The following ZNF507 variants were observed in gnomAD, a reference collection of about 807,000 sequenced individuals.
ZNF507 encodes the protein zinc finger protein 507.
A neutral mutation model predicts 80.0 loss-of-function variants in ZNF507; 29 were observed. That is an observed-to-expected ratio of 0.36 (90% CI 0.27 to 0.49). The LOEUF (loss-of-function observed/expected upper bound fraction) is 0.49. Ranked by LOEUF, ZNF507 falls within the 20% of genes least tolerant of loss-of-function variation. ZNF507 has a pLI of 0.98. For missense variants in ZNF507, 1,081 were observed against 1,152.2 expected, an observed-to-expected ratio of 0.94 and a Z score of 0.90; for synonymous variants, 462 against 422.5, an observed-to-expected ratio of 1.09 and a Z score of -1.15.
At chr19:32,356,532 A>G (rs1967254452) in intron 3 of ZNF507, 84 bp from the exon 4 acceptor site, 5 of 901,002 alleles carry the variant, frequency 5.5e-6, no homozygotes, top group Non-Finnish European at 5.3e-6. Flanking sequence ...AGGCCATGAA[A>G]GCAATGAACC....
intron 5 of ZNF507, among the ~76,000 whole-genome samples, chr19:32,365,153 T>G (rs1197815813): frequency 6.6e-6 from 1 of 152,234 alleles, no homozygotes; most frequent in Non-Finnish European, 1.5e-5. Context: ...TTGAGAATTG[T>G]CTATTTATGT....
At chr19:32,352,474 C>CTTTTTTTTTTTT (rs34217641) in intron 2 of ZNF507, among the ~76,000 whole-genome samples, 4 of 146,304 alleles carry the variant, frequency 2.7e-5, no homozygotes, top group Non-Finnish European at 1.5e-5. Flanking sequence ...GAATAGGAGT[C>CTTTTTTTTTTTT]TTTTTTTTTT....
intron 5 of ZNF507, chr19:32,380,620 GGTAA>G (rs1450804765): frequency 2.6e-6 from 4 of 1,535,186 alleles, no homozygotes; most frequent in Middle Eastern, 1.7e-4. Flanking sequence ...AAAGAGTTCA[GGTAA>G]GTAAGTTATC....
chr19:32,349,398 C>G (rs1478215720), intron 2 of ZNF507, among the ~76,000 whole-genome samples: 2 of 152,166 alleles, frequency 1.3e-5, no homozygotes, highest in African/African-American at 2.4e-5. Flanking sequence ...CATCTTACCT[C>G]TCCATGAAGC....
At chr19:32,382,384 A>G (rs1967634536) in intron 5 of ZNF507, 83 bp from the exon 6 acceptor site, 1 of 1,531,250 alleles carries the variant, frequency 6.5e-7, no homozygotes, top group East Asian at 2.3e-5. Flanking sequence ...AGGAAGGGCT[A>G]TAATAATTGT....
At chr19:32,358,251 G>A (rs1378160260) in intron 4 of ZNF507, 1 of 152,144 alleles carries the variant, frequency 6.6e-6, no homozygotes, top group East Asian at 1.9e-4. Flanking sequence ...TTGAAATCTG[G>A]TTGTCAGGCC....
chr19:32,356,709 G>A lies in ZNF507; in HGVS notation c.2221G>A (p.Ala741Thr), dbSNP rs1198379181. ...SNEPRISSDTADGKCVQEGNK... is the reference protein window; with the variant it reads ...SNEPRISSDTTDGKCVQEGNK... ...TGAGCCAAGAATTTCCAGTGATACAGCTGATGGAAAATGTGTCCAGGAAGG... is the reference window on the plus strand; with the variant it reads ...TGAGCCAAGAATTTCCAGTGATACAACTGATGGAAAATGTGTCCAGGAAGG... Residue 741 changes from alanine to threonine, a missense_variant, in exon 4 of 7, where the codon GCT (alanine) becomes ACT (threonine). Around this residue, in one of 6 missense-constraint regions of ZNF507, gnomAD observed 614 missense variants for 583.9 expected, o/e 1.05. Transcript: ENST00000355898. 2.5e-6 allele frequency: 4 copies of A among 1,613,816 alleles called. No homozygotes were observed. The Admixed American group carries it at 6.7e-5, about 27-fold the overall frequency.
chr19:32,366,320 C>G (rs1967398205), intron 5 of ZNF507, among the ~76,000 whole-genome samples: 1 of 152,156 alleles, frequency 6.6e-6, no homozygotes, highest in Non-Finnish European at 1.5e-5. Context: ...TAACACAAAC[C>G]ATTATGAGCT....
rs2038348297 is a variant in ZNF507 at position 32,386,263 on chromosome 19, A to G, written c.*3180A>G. 6.6e-6 allele frequency: 1 copy of G among 152,566 alleles called. No homozygotes were observed. The highest frequency in any genetic ancestry group is 6.5e-5 in the Admixed American group (1 of 15,270). The allele number at this position is 152,566 out of a possible 1,614,324, so 9.5% of individuals were successfully genotyped here. On this transcript the variant is annotated 3_prime_UTR_variant, in exon 7 of 7. Transcript: ENST00000355898. ...ATAATTTTCTGTTTTTTTTCTCACA[A>G]AGTAAATGGTGGGCATCCATGTTTA...
At chr19:32,380,138 T>TTAAC (rs1967604830) in intron 5 of ZNF507, among the ~76,000 whole-genome samples, 1 of 152,160 alleles carries the variant, frequency 6.6e-6, no homozygotes, top group South Asian at 2.1e-4. Flanking sequence ...ATTTCCCTGA[T>TTAAC]TGTTAGTGAG....
Position 32,387,142 on chromosome 19 carries a change from T to A in ZNF507, c.*4059T>A, listed in dbSNP as rs2145351818. On this transcript the variant is annotated 3_prime_UTR_variant, in exon 7 of 7. Transcript: ENST00000355898. The stretch of plus-strand genomic sequence containing the variant: ...CTCTTCCAAATGTGACACGCTTATA[T>A]GCTTTCAATTCTGATATAGTCAAAG... The A allele has an allele frequency of 6.6e-6, 1 of 152,360 alleles. No individual in the cohort carries two copies. The highest frequency in any genetic ancestry group is 3.4e-3 in the Middle Eastern group (1 of 294). The allele number at this position is 152,360 out of a possible 1,614,324, so 9.4% of individuals were successfully genotyped here. A position where few individuals can be genotyped will look rare whatever the true frequency, so the allele number is the denominator to read the frequency against.
intron 2 of ZNF507, 101 bp from the exon 3 acceptor site, chr19:32,352,728 G>A: frequency 9.6e-7 from 1 of 1,036,642 alleles, no homozygotes; most frequent in African/African-American, 1.6e-5. Context: ...AAAATACTTA[G>A]ATGAGATTAC....
chr19:32,354,857 A>G lies in ZNF507; in HGVS notation c.2027A>G (p.His676Arg), dbSNP rs1225279508. 3 of 1,614,112 alleles carry G rather than the reference A, an allele frequency of 1.9e-6. No individual in the cohort carries two copies. The highest frequency in any genetic ancestry group is 2.5e-6 in the Non-Finnish European group (3 of 1,180,036). ...CCTTATCAGTGTCCTATCTGCGAGC[A>G]CATAGCGGACAACAGCAAAGATTTG... Reference protein sequence around the residue: ...RQPYQCPICEHIADNSKDLES... With the variant: ...RQPYQCPICERIADNSKDLES... The change falls in exon 3 of 7, where the codon CAC becomes CGC. Residue 676 changes from histidine to arginine, a missense_variant. Transcript: ENST00000355898.
At chr19:32,357,909 C>A (rs9676472) in intron 4 of ZNF507, 1 of 151,932 alleles carries the variant, frequency 6.6e-6, no homozygotes, top group South Asian at 2.1e-4. Context: ...TTTTTAGCAC[C>A]GTCCTAAAAA....
intron 5 of ZNF507, among the ~76,000 whole-genome samples, chr19:32,366,053 AT>A (rs1967394123): frequency 6.6e-6 from 1 of 152,032 alleles, no homozygotes; most frequent in South Asian, 2.1e-4. Context: ...TATAAGATGA[AT>A]TTTTTTTAAT....
At chr19:32,351,874 A>G (rs376354532) in intron 2 of ZNF507, among the ~76,000 whole-genome samples, 4 of 152,334 alleles carry the variant, frequency 2.6e-5, no homozygotes, top group African/African-American at 7.2e-5. Flanking sequence ...AAATGAAAGT[A>G]CTGCCAGGAA....
chr19:32,360,491 A>G lies in ZNF507; in HGVS notation c.2246-13A>G. On this transcript the variant is annotated splice_polypyrimidine_tract_variant and intron_variant, in intron 4 of 6. Coordinates refer to ENST00000355898, the MANE Select transcript of ZNF507 (RefSeq NM_001136156.2). ...CAAAGCCTGCTACTAAAACTCTGAA[A>G]TACCTTGTCTAGGGAATAAGTCTTC... The G allele has an allele frequency of 6.7e-7, 1 of 1,486,728 alleles. No homozygotes were observed. Among genetic ancestry groups the G allele is most frequent in the Non-Finnish European group, 9.1e-7 (1 of 1,099,978 alleles). 92.1% of individuals were successfully genotyped at this position (1,486,728 alleles called of 1,614,324 possible). A position where few individuals can be genotyped will look rare whatever the true frequency, so the allele number is the denominator to read the frequency against.
chr19:32,355,497 G>T (rs1332135311), intron 3 of ZNF507, among the ~76,000 whole-genome samples: 3 of 152,100 alleles, frequency 2.0e-5, no homozygotes, highest in African/African-American at 7.2e-5. Context: ...TGTTTTATGG[G>T]CAGGGTAAAG....
chr19:32,382,780 C>G lies in ZNF507; in HGVS notation c.2559C>G (p.Val853=). 6.2e-7 allele frequency: 1 copy of G among 1,614,092 alleles called. No homozygotes were observed. Among genetic ancestry groups the G allele is most frequent in the East Asian group, 2.2e-5 (1 of 44,878 alleles). ...LKSSEESADP[V]TGSSENAVSS... ...GCAGTGAAGAGAGTGCAGATCCCGTCACTGGAAGTTCAGAAAATGCAGTGT... is the reference window on the plus strand; with the variant it reads ...GCAGTGAAGAGAGTGCAGATCCCGTGACTGGAAGTTCAGAAAATGCAGTGT... Residue 853 remains valine (V), a synonymous_variant, in exon 7 of 7, where the codon GTC becomes GTG. Transcript: ENST00000355898.
Sources: gnomAD v4.1 joint callset for allele counts (sites outside exome capture counted in the v4.1 genomes callset) on GRCh38, gnomAD v4.1.1 for gene constraint, gnomAD v4.1.1 regional missense constraint, MANE v1.5 for transcripts, NCBI Gene and HGNC (gene_info 2026-07-23, HGNC 2026-07-21) for gene names.